UPK1A: variants seen among roughly 807,000 people sequenced by gnomAD.
The protein encoded by UPK1A is uroplakin-1a.
Under a neutral mutation model 32.3 loss-of-function variants are expected in UPK1A, and 31 were observed. The observed-to-expected ratio is 0.96, with a 90% CI of 0.72 to 1.30. The LOEUF is 1.30. Among genes scored for constraint, UPK1A ranks in the 50% most tolerant of loss-of-function variants. The pLI is 0.00. For synonymous variants in UPK1A, 135 were observed against 137.1 expected (o/e 0.98, Z 0.11); for missense variants, 340 against 357.4 (o/e 0.95, Z 0.39).
At chr19:35,673,409 C>T (rs754745122) in intron 4 of UPK1A, 29 bp from the exon 5 acceptor site, 1 of 1,612,180 alleles carries the variant, frequency 6.2e-7, no homozygotes. Flanking sequence ...CCAGCCCTGC[C>T]GGCCCTTGTT....
At chr19:35,673,241 C>A in exon 4 of UPK1A, 1 of 1,614,130 alleles carries the variant, frequency 6.2e-7, no homozygotes, top group Non-Finnish European at 8.5e-7. Context: ...GTACCTGGTG[C>A]TCATGCTCAT....
At chr19:35,675,873 T>A (rs1196463496) in exon 6 of UPK1A, 3 of 1,613,954 alleles carry the variant, frequency 1.9e-6, no homozygotes, top group Non-Finnish European at 2.5e-6. Flanking sequence ...TCCCATGGAC[T>A]GGGTGAACTT....
At chr19:35,669,923 A>G (rs992660723) in intron 3 of UPK1A, among the ~76,000 whole-genome samples, 1 of 152,198 alleles carries the variant, frequency 6.6e-6, no homozygotes, top group African/African-American at 2.4e-5. Flanking sequence ...GCTTATGAGC[A>G]GGAGCTACAT....
intron 6 of UPK1A, among the ~76,000 whole-genome samples, chr19:35,676,960 G>A (rs951197367): frequency 2.0e-5 from 3 of 152,056 alleles, no homozygotes; most frequent in Admixed American, 1.3e-4. Context: ...GGGGGCTCAC[G>A]ACTGTAATCC....
chr19:35,671,076 G>C (rs1455428582), intron 3 of UPK1A, among the ~76,000 whole-genome samples: 2 of 151,806 alleles, frequency 1.3e-5, no homozygotes, highest in African/African-American at 2.4e-5. Context: ...GCCCTAAAAA[G>C]TCACCCAACT....
chr19:35,668,820 G>C, intron 3 of UPK1A, 166 bp downstream of exon 3: 2 of 786,172 alleles, frequency 2.5e-6, no homozygotes, highest in Non-Finnish European at 2.0e-6. Context: ...CAATAACCCA[G>C]GCTTGAGTAG....
At chr19:35,670,841 A>G (rs964627071) in intron 3 of UPK1A, among the ~76,000 whole-genome samples, 2 of 151,162 alleles carry the variant, frequency 1.3e-5, no homozygotes, top group African/African-American at 2.4e-5. Flanking sequence ...CAGCCTCCCA[A>G]TGAGCTGGGA....
chr19:35,676,343 A>G (rs1322736373), intron 6 of UPK1A: 5 of 450,324 alleles, frequency 1.1e-5, no homozygotes. Context: ...GGTGCGCACC[A>G]CCCTCTTGGC....
At chr19:35,676,056 C>T (rs1160515502) in intron 6 of UPK1A, 37 bp downstream of exon 6, 2 of 1,588,784 alleles carry the variant, frequency 1.3e-6, no homozygotes, top group Non-Finnish European at 1.7e-6. Context: ...GTCTATCCAT[C>T]TGTCTGTCTT....
At chr19:35,668,531 C>G (rs756516667) in exon 3 of UPK1A, 9 of 1,614,186 alleles carry the variant, frequency 5.6e-6, no homozygotes, top group Non-Finnish European at 7.6e-6. Context: ...TGATGGGAGT[C>G]TCAGGCAAGG....
At chr19:35,676,847 C>T (rs1468207687) in intron 6 of UPK1A, among the ~76,000 whole-genome samples, 1 of 150,494 alleles carries the variant, frequency 6.6e-6, no homozygotes, top group Non-Finnish European at 1.5e-5. Context: ...TGCAGTGAGC[C>T]GAGATTGTGC....
chr19:35,666,632 G>A lies in UPK1A; in HGVS notation c.-5+94G>A, dbSNP rs920750341. The A allele has an allele frequency of 5.4e-5, 33 of 606,772 alleles. No individual in the cohort carries two copies. The Middle Eastern group carries it at 1.8e-3, about 33-fold the overall frequency. The allele number at this position is 606,772 out of a possible 1,614,324, so 37.6% of individuals were successfully genotyped here. ...AGTTCAGGCCAGTGACTGCCCCACC[G>A]GAGCCCGGGTGTCCTCTTGTGCAAA... On this transcript the variant is annotated intron_variant, in intron 1 of 7. Transcript: ENST00000617999.
intron 3 of UPK1A, among the ~76,000 whole-genome samples, chr19:35,672,090 C>A (rs762004152): frequency 2.6e-5 from 4 of 152,196 alleles, no homozygotes; most frequent in Non-Finnish European, 5.9e-5. Context: ...GATGAAGGTG[C>A]CAGGTGAGGA....
At chr19:35,677,411 AGCTACTCAG>A (rs1968198082) in intron 6 of UPK1A, among the ~76,000 whole-genome samples, 1 of 151,988 alleles carries the variant, frequency 6.6e-6, no homozygotes, top group Non-Finnish European at 1.5e-5. Flanking sequence ...CTGTAATCCC[AGCTACTCAG>A]GAGGCTGAGG....
rs779399046 is a variant in UPK1A, at chr19:35,675,824, C to G, written c.469-16C>G. ...TCTGAGCCCGAGCCTGCCTGACCCC[C>G]TGCTTTTCACTCTAGCAAGAATGCT... On this transcript the variant is annotated splice_polypyrimidine_tract_variant and intron_variant, in intron 5 of 7. Transcript: ENST00000617999. 5 of 1,594,632 alleles carry G rather than the reference C, an allele frequency of 3.1e-6. No homozygotes were observed. Among genetic ancestry groups the G allele is most frequent in the Non-Finnish European group, 4.3e-6 (5 of 1,167,020 alleles).
exon 8 of UPK1A, chr19:35,678,049 C>A: frequency 1.3e-6 from 2 of 1,548,234 alleles, no homozygotes; most frequent in South Asian, 2.5e-5. Context: ...ACATACACAC[C>A]CCGGACTCCT....
chr19:35,673,425 C>A lies in UPK1A; in HGVS notation c.361-13C>A. 1 of 1,613,528 alleles carries A rather than the reference C, an allele frequency of 6.2e-7. No homozygotes were observed. The highest frequency in any genetic ancestry group is 8.5e-7 in the Non-Finnish European group (1 of 1,179,722). On this transcript the variant is annotated splice_polypyrimidine_tract_variant and intron_variant, in intron 4 of 7. Transcript: ENST00000617999. ...CAGCCCTGCCGGCCCTTGTTCTTCC[C>A]TGTTCTCCTCAGATGGTGTCCAACC... is the stretch of plus-strand genomic sequence containing the variant.
rs761313547 is a variant in UPK1A at position 35,668,673 on chromosome 19, G to A, written c.285+19G>A. ...CCTCACGGTGAGACTCCAGGGGTTG[G>A]GGGATGGGGACACTGAAAACGGAGT... On this transcript the variant is annotated intron_variant, in intron 3 of 7. Coordinates refer to ENST00000617999, the Ensembl canonical transcript of UPK1A. The A allele has an allele frequency of 3.1e-6, 5 of 1,601,130 alleles. No individual in the cohort carries two copies. In the African/African-American group the frequency reaches 5.4e-5, roughly 17 times the overall value.
intron 5 of UPK1A, among the ~76,000 whole-genome samples, chr19:35,674,058 C>T (rs1398146651): frequency 6.6e-6 from 1 of 151,450 alleles, no homozygotes; most frequent in African/African-American, 2.4e-5. Flanking sequence ...CCACCACACC[C>T]GGCTAAGTTT....
Sources: gnomAD v4.1 joint callset for allele counts (sites outside exome capture counted in the v4.1 genomes callset) on GRCh38, gnomAD v4.1.1 for gene constraint, MANE v1.5 for transcripts, NCBI Gene and HGNC (gene_info 2026-07-23, HGNC 2026-07-21) for gene names.